Variants in KAZN observed in about 807,000 individuals in gnomAD.
The protein encoded by KAZN is kazrin, periplakin interacting protein.
Under a neutral mutation model 87.4 loss-of-function variants are expected in KAZN, and 40 were observed. The ratio of observed to expected loss-of-function variants is 0.46; its 90% confidence interval spans 0.36 to 0.60. KAZN has a LOEUF of 0.60. KAZN is among the 20% of genes least tolerant of loss of function. The pLI is 0.00. For synonymous variants in KAZN, 466 were observed against 458.3 expected, an observed-to-expected ratio of 1.02 and a Z score of -0.22; for missense variants, 898 against 1,073.9, an observed-to-expected ratio of 0.84 and a Z score of 2.29.
At chr1:14,319,719 T>C (rs909179339) in intron 2 of KAZN, among the ~76,000 whole-genome samples, 2 of 152,190 alleles carry the variant, frequency 1.3e-5, no homozygotes, top group African/African-American at 4.8e-5. Context: ...GTTTCCCTTG[T>C]CTCAGGGATC....
chr1:14,975,625 T>G (rs1665514837), intron 2 of KAZN, among the ~76,000 whole-genome samples: 1 of 152,232 alleles, frequency 6.6e-6, no homozygotes, highest in African/African-American at 2.4e-5. Flanking sequence ...CAGGCATGCA[T>G]GGAATATAAA....
At chr1:14,129,954 G>T (rs1056473909) in intron 1 of KAZN, among the ~76,000 whole-genome samples, 2 of 152,192 alleles carry the variant, frequency 1.3e-5, no homozygotes, top group African/African-American at 4.8e-5. Context: ...TTTTCTGTAT[G>T]CAGATAATTG....
At chr1:14,630,692 C>T (rs1208218783) in intron 1 of KAZN, among the ~76,000 whole-genome samples, 16 of 152,074 alleles carry the variant, frequency 1.1e-4, no homozygotes, top group Admixed American at 9.8e-4. Flanking sequence ...TCTAATGATT[C>T]CCCTACCCCA....
chr1:14,867,172 G>A (rs991027606), intron 1 of KAZN, among the ~76,000 whole-genome samples: 5 of 152,204 alleles, frequency 3.3e-5, no homozygotes, highest in African/African-American at 9.6e-5. Flanking sequence ...GAGCAGCCAC[G>A]TTCAGGGCCC....
chr1:14,452,598 T>C (rs1261780259), intron 2 of KAZN, among the ~76,000 whole-genome samples: 1 of 152,166 alleles, frequency 6.6e-6, no homozygotes, highest in Non-Finnish European at 1.5e-5. Flanking sequence ...GGCAGGACCT[T>C]GAGTGGCAGG....
intron 1 of KAZN, among the ~76,000 whole-genome samples, chr1:14,943,070 GT>G (rs61100647): frequency 0.036 from 4,257 of 119,102 alleles, 552 homozygotes; most frequent in African/African-American, 0.14. Context: ...AGAGCCTTGG[GT>G]TTTTTTTTTT....
chr1:14,436,705 G>A lies in KAZN; in HGVS notation c.250-162278G>A, dbSNP rs181433297. Among the ~76,000 whole-genome samples, 1,055 of 107,784 alleles carry A rather than the reference G, an allele frequency of 9.8e-3. 12 individuals carry two copies. Among genetic ancestry groups the A allele is most frequent in the African/African-American group, 0.034 (1,008 of 29,732 alleles). 70.7% of individuals were successfully genotyped at this position (107,784 alleles called of 152,430 possible). On this transcript the variant is annotated intron_variant, in intron 2 of 16. Coordinates refer to the KAZN transcript ENST00000636203. ...TGCACTCCAGCCTGGGCGACAGAGC[G>A]AGACTCTGTCTCAAAAAAAAAAAAA...
intron 1 of KAZN, among the ~76,000 whole-genome samples, chr1:14,705,565 G>A (rs113040660): frequency 9.9e-5 from 15 of 152,166 alleles, no homozygotes; most frequent in African/African-American, 3.6e-4. Flanking sequence ...CAAGGAAAAT[G>A]TGGTGTATAT....
intron 1 of KAZN, among the ~76,000 whole-genome samples, chr1:14,636,021 T>A (rs950933791): frequency 6.6e-6 from 1 of 152,154 alleles, no homozygotes; most frequent in African/African-American, 2.4e-5. Context: ...AAAAATATAC[T>A]CTACTCCCCT....
At chr1:14,673,334 A>G (rs1640026686) in intron 1 of KAZN, among the ~76,000 whole-genome samples, 1 of 152,212 alleles carries the variant, frequency 6.6e-6, no homozygotes, top group Non-Finnish European at 1.5e-5. Flanking sequence ...ACCCACAGCA[A>G]AGCTTCTTGG....
intron 1 of KAZN, among the ~76,000 whole-genome samples, chr1:14,691,689 G>A (rs1641319352): frequency 6.6e-6 from 1 of 152,106 alleles, no homozygotes; most frequent in Non-Finnish European, 1.5e-5. Flanking sequence ...GTTTTGCCAT[G>A]TTGGCCAGGC....
At chr1:14,789,436 G>A (rs1272159773) in intron 1 of KAZN, among the ~76,000 whole-genome samples, 1 of 152,090 alleles carries the variant, frequency 6.6e-6, no homozygotes, top group African/African-American at 2.4e-5. Context: ...CAGGCAAATG[G>A]AAACACCTGT....
intron 1 of KAZN, among the ~76,000 whole-genome samples, chr1:14,167,970 A>G (rs1242444710): frequency 6.6e-6 from 1 of 152,166 alleles, no homozygotes; most frequent in Non-Finnish European, 1.5e-5. Flanking sequence ...AATTGGTTCC[A>G]GGAGTCAAGT....
chr1:14,278,595 T>A (rs767674156), intron 2 of KAZN, among the ~76,000 whole-genome samples: 14 of 152,146 alleles, frequency 9.2e-5, no homozygotes, highest in Non-Finnish European at 1.8e-4. Context: ...TGGTCTTCAT[T>A]CTTAATCTGA....
chr1:13,927,274 G>T (rs1456364135), intron 1 of KAZN, among the ~76,000 whole-genome samples: 1 of 152,188 alleles, frequency 6.6e-6, no homozygotes, highest in Non-Finnish European at 1.5e-5. Context: ...AAGACACTGA[G>T]GAACTAGAAG....
intron 1 of KAZN, among the ~76,000 whole-genome samples, chr1:14,869,825 C>T (rs1651942149): frequency 2.0e-5 from 3 of 152,330 alleles, no homozygotes; most frequent in Admixed American, 6.5e-5. Flanking sequence ...GTTTAATTAG[C>T]GCACAGACCT....
At chr1:14,398,285 A>G (rs1173153383) in intron 2 of KAZN, among the ~76,000 whole-genome samples, 2 of 152,268 alleles carry the variant, frequency 1.3e-5, no homozygotes, top group Non-Finnish European at 2.9e-5. Context: ...TATAGTGATT[A>G]AAAGTGTGGA....
rs114210770 is a variant in KAZN, at chr1:14,313,814, C to T, written c.249+133222C>T. On this transcript the variant is annotated intron_variant, in intron 2 of 16. Transcript: ENST00000636203. ...AACACTTCCCAAAGACATATAAAAT[C>T]GGCCACATGGGATAGTGGGATATTA... Among the ~76,000 whole-genome samples, 852 of 151,980 alleles carry T rather than the reference C, an allele frequency of 5.6e-3. 3 individuals carry two copies. Among genetic ancestry groups the T allele is most frequent in the Middle Eastern group, 0.02 (6 of 294 alleles).
At chr1:14,494,851 C>A (rs759877185) in intron 2 of KAZN, among the ~76,000 whole-genome samples, 5 of 152,188 alleles carry the variant, frequency 3.3e-5, no homozygotes, top group Non-Finnish European at 7.3e-5. Flanking sequence ...AGGCATATTG[C>A]ATTTCCAGTG....
Sources: gnomAD v4.1 joint callset for allele counts (sites outside exome capture counted in the v4.1 genomes callset) on GRCh38, gnomAD v4.1.1 for gene constraint, MANE v1.5 for transcripts, NCBI Gene and HGNC (gene_info 2026-07-23, HGNC 2026-07-21) for gene names.